ARHGAP10: variants seen among roughly 807,000 people sequenced by gnomAD.
ARHGAP10 encodes the protein rho GTPase-activating protein 10.
ARHGAP10 carries 87 observed loss-of-function variants against 108.6 expected under a neutral mutation model. That is an observed-to-expected ratio of 0.80 (90% CI 0.67 to 0.96). The LOEUF (loss-of-function observed/expected upper bound fraction) is 0.96. ARHGAP10 is among the 40% of genes least tolerant of loss of function. The probability of loss-of-function intolerance (pLI) is 0.00; values close to 1 mark genes in which losing one functional copy is unlikely to be tolerated. For synonymous variants in ARHGAP10, 347 were observed against 341.1 expected (o/e 1.02, Z -0.19); for missense variants, 939 against 954.5 (o/e 0.98, Z 0.21).
intron 20 of ARHGAP10, among the ~76,000 whole-genome samples, chr4:148,060,006 G>A (rs1348214763): frequency 8.8e-6 from 1 of 113,612 alleles, no homozygotes; most frequent in East Asian, 2.9e-4. Flanking sequence ...GGAGAGAGAG[G>A]AGAGAGAGAG....
chr4:147,947,432 C>T (rs968057487), intron 15 of ARHGAP10, among the ~76,000 whole-genome samples: 1 of 150,668 alleles, frequency 6.6e-6, no homozygotes, highest in South Asian at 2.1e-4. Flanking sequence ...GATGAAGTCT[C>T]GCTCTTTTTG....
At chr4:147,915,892 C>T (rs577423856) in intron 13 of ARHGAP10, among the ~76,000 whole-genome samples, 8 of 152,058 alleles carry the variant, frequency 5.3e-5, no homozygotes, top group Middle Eastern at 3.4e-3. Flanking sequence ...TTGCTTGAGC[C>T]CAAGAGTTCA....
At chr4:148,049,831 GT>G (rs1729047534) in intron 20 of ARHGAP10, among the ~76,000 whole-genome samples, 1 of 117,166 alleles carries the variant, frequency 8.5e-6, no homozygotes, top group Non-Finnish European at 1.7e-5. Context: ...TTTTTTTTGG[GT>G]GGGGGGGCGG....
At chr4:147,800,924 G>A (rs1039856162) in intron 1 of ARHGAP10, among the ~76,000 whole-genome samples, 3 of 152,088 alleles carry the variant, frequency 2.0e-5, no homozygotes, top group African/African-American at 7.2e-5. Flanking sequence ...TGATTCTTGT[G>A]CCTCCCAAGT....
chr4:148,003,901 T>TAAGCCG (rs1740838104), intron 18 of ARHGAP10, among the ~76,000 whole-genome samples: 1 of 152,206 alleles, frequency 6.6e-6, no homozygotes. Flanking sequence ...AGTGTAAGCC[T>TAAGCCG]AAATCAGCAA....
rs1288547040 is a variant in ARHGAP10 at position 147,946,679 on chromosome 4, A to G, written c.1366A>G (p.Thr456Ala). The change falls in exon 15 of 23, where the codon ACA (threonine) becomes GCA (alanine). Residue 456 changes from threonine (T) to alanine (A), a missense_variant. Coordinates refer to ENST00000336498, the MANE Select transcript of ARHGAP10 (RefSeq NM_024605.4). ...NSADWEVKTI[T>A]SALKQYLRSL... Reference sequence around the variant, plus strand: ...TGCAGATTGGGAAGTGAAGACAATAACAAGTGCCTTGAAACAGTATTTGAG... The same window carrying G: ...TGCAGATTGGGAAGTGAAGACAATAGCAAGTGCCTTGAAACAGTATTTGAG... 1 of 1,612,030 alleles carries G rather than the reference A, an allele frequency of 6.2e-7. No individual in the cohort carries two copies. The highest frequency in any genetic ancestry group is 8.5e-7 in the Non-Finnish European group (1 of 1,179,346).
intron 20 of ARHGAP10, among the ~76,000 whole-genome samples, chr4:148,059,745 C>T (rs941176204): frequency 2.6e-5 from 4 of 152,100 alleles, no homozygotes; most frequent in African/African-American, 7.2e-5. Context: ...ACCAAATTAG[C>T]CTACCATCGT....
At position 147,995,489 on chromosome 4, in the gene ARHGAP10, G is replaced by A. The variant is rs76015456; in HGVS notation, c.1717-27774G>A. Reference sequence around the variant, plus strand: ...AAGTTAGAGCTTGCCACATGTTACCGTATATTATGTTTTCCTTATGTATTT... The same window carrying A: ...AAGTTAGAGCTTGCCACATGTTACCATATATTATGTTTTCCTTATGTATTT... On this transcript the variant is annotated intron_variant, in intron 18 of 22. Transcript: ENST00000336498. Among the ~76,000 whole-genome samples, 76 of 152,230 alleles carry A rather than the reference G, an allele frequency of 5.0e-4. No individual in the cohort carries two copies. In the East Asian group the frequency reaches 0.013, roughly 26 times the overall value.
chr4:147,755,469 G>A (rs1313142774), intron 1 of ARHGAP10, among the ~76,000 whole-genome samples: 1 of 151,856 alleles, frequency 6.6e-6, no homozygotes, highest in Non-Finnish European at 1.5e-5. Flanking sequence ...GTTGCGGTGA[G>A]CCGAGATCAC....
At chr4:147,952,416 T>C (rs1738637891) in intron 15 of ARHGAP10, among the ~76,000 whole-genome samples, 1 of 152,208 alleles carries the variant, frequency 6.6e-6, no homozygotes, top group Non-Finnish European at 1.5e-5. Context: ...TCTTGCCAAC[T>C]CTTAAGCTGG....
chr4:147,773,874 G>A (rs1730176496), intron 1 of ARHGAP10, among the ~76,000 whole-genome samples: 1 of 152,144 alleles, frequency 6.6e-6, no homozygotes, highest in Admixed American at 6.5e-5. Context: ...CCTTGTCTTT[G>A]TTCTTTAGTC....
chr4:147,784,813 TATAAA>T (rs1178420993), intron 1 of ARHGAP10, among the ~76,000 whole-genome samples: 1 of 25,564 alleles, frequency 3.9e-5, no homozygotes, highest in Non-Finnish European at 1.8e-4. Flanking sequence ...TATAATATAT[TATAAA>T]ATATATATTA....
intron 10 of ARHGAP10, among the ~76,000 whole-genome samples, chr4:147,884,022 A>C (rs1181782217): frequency 6.6e-6 from 1 of 152,186 alleles, no homozygotes; most frequent in Non-Finnish European, 1.5e-5. Flanking sequence ...CCACTGTGCC[A>C]TAAGTCTCTG....
Position 148,006,275 on chromosome 4 carries a change from C to G in ARHGAP10, c.1717-16988C>G, listed in dbSNP as rs186278063. Among the ~76,000 whole-genome samples, 239 of 152,306 alleles carry G rather than the reference C, an allele frequency of 1.6e-3. 1 individual carries two copies. The highest frequency in any genetic ancestry group is 5.2e-3 in the African/African-American group (216 of 41,548). ...GGCCTGCCCTAGCTGTTCCAGCTTT[C>G]CTGTCCAGGCACTGGACATGTGAAG... On this transcript the variant is annotated intron_variant, in intron 18 of 22. Coordinates refer to ENST00000336498, the MANE Select transcript of ARHGAP10 (RefSeq NM_024605.4).
chr4:147,798,726 T>G (rs189500968), intron 1 of ARHGAP10, among the ~76,000 whole-genome samples: 1 of 13,480 alleles, frequency 7.4e-5, no homozygotes, highest in Admixed American at 9.0e-4. Context: ...TTTGAGACAC[T>G]CTCTCTCTCT....
chr4:147,747,166 TC>T (rs1246854977), intron 1 of ARHGAP10, among the ~76,000 whole-genome samples: 1 of 151,802 alleles, frequency 6.6e-6, no homozygotes, highest in Non-Finnish European at 1.5e-5. Flanking sequence ...TTTTTTTTTT[TC>T]CCCCAAAGTA....
chr4:147,765,106 T>C (rs1729743346), intron 1 of ARHGAP10, among the ~76,000 whole-genome samples: 1 of 152,220 alleles, frequency 6.6e-6, no homozygotes, highest in African/African-American at 2.4e-5. Flanking sequence ...GACTGTGGAC[T>C]AATGATGGAC....
intron 1 of ARHGAP10, among the ~76,000 whole-genome samples, chr4:147,804,393 A>G (rs1731698369): frequency 6.6e-6 from 1 of 152,136 alleles, no homozygotes; most frequent in East Asian, 1.9e-4. Flanking sequence ...TTCTTTATCC[A>G]GTCTACTGTT....
chr4:147,870,986 G>C lies in ARHGAP10; in HGVS notation c.703-4035G>C, dbSNP rs868548595. 4.7e-5 allele frequency among the ~76,000 whole-genome samples: 7 copies of C among 150,390 alleles called. 1 individual carries two copies. Among genetic ancestry groups the C allele is most frequent in the Non-Finnish European group, 5.9e-5 (4 of 67,652 alleles). On this transcript the variant is annotated intron_variant, in intron 7 of 22. Coordinates refer to ENST00000336498, the MANE Select transcript of ARHGAP10 (RefSeq NM_024605.4). ...TGTGTGTGTGTGTGTTTGAGATGGA[G>C]TCTTGCTCTGTTGCCCAGGCTGGAG...
Sources: allele counts gnomAD v4.1 joint callset (sites outside exome capture counted in the v4.1 genomes callset), GRCh38; gene constraint gnomAD v4.1.1; transcripts MANE v1.5; gene names NCBI Gene and HGNC (gene_info 2026-07-23, HGNC 2026-07-21).